The following LINGO2 variants were observed in gnomAD, a reference collection of about 807,000 sequenced individuals.
The protein encoded by LINGO2 is leucine rich repeat and Ig domain containing 2.
LINGO2 carries 14 observed loss-of-function variants against 30.6 expected under a neutral mutation model. The observed-to-expected ratio is 0.46, with a 90% CI of 0.30 to 0.72. LINGO2 has a LOEUF of 0.72. Among genes scored for constraint, LINGO2 ranks in the 30% least tolerant of loss-of-function variants. The pLI, the probability that LINGO2 is intolerant of heterozygous loss-of-function variation, is 0.07. For missense variants in LINGO2, 729 were observed against 751.7 expected (o/e 0.97, Z 0.35); for synonymous variants, 317 against 288.5 (o/e 1.10, Z -1.00).
the LINGO2 span, among the ~76,000 whole-genome samples, chr9:28,847,069 T>C: frequency 6.9e-6 from 1 of 145,586 alleles, no homozygotes; most frequent in Admixed American, 6.8e-5. Flanking sequence ...CCCAACAAGC[T>C]ACATGGCTAA....
the LINGO2 span, among the ~76,000 whole-genome samples, chr9:28,677,707 T>C: frequency 1.3e-5 from 2 of 152,184 alleles, no homozygotes; most frequent in Non-Finnish European, 2.9e-5. Context: ...AAGCCCTTTA[T>C]GCTACAGTCA....
chr9:29,191,638 G>A, the LINGO2 span, among the ~76,000 whole-genome samples: 1 of 151,848 alleles, frequency 6.6e-6, no homozygotes, highest in Non-Finnish European at 1.5e-5. Context: ...AACATTCTGG[G>A]GTTGCTTCAC....
the LINGO2 span, among the ~76,000 whole-genome samples, chr9:28,857,062 G>C: frequency 6.6e-6 from 1 of 151,986 alleles, no homozygotes; most frequent in Non-Finnish European, 1.5e-5. Flanking sequence ...AAGTGACTCT[G>C]AGTTCTAGTT....
At chr9:28,937,278 T>C in the LINGO2 span, among the ~76,000 whole-genome samples, 2 of 152,140 alleles carry the variant, frequency 1.3e-5, no homozygotes, top group African/African-American at 4.8e-5. Context: ...ATATCGCGTA[T>C]GGTAAGACTT....
intron 1 of LINGO2, among the ~76,000 whole-genome samples, chr9:28,587,725 C>T (rs748524870): frequency 6.6e-6 from 1 of 151,768 alleles, no homozygotes; most frequent in Admixed American, 6.6e-5. Context: ...GGAATCTTAG[C>T]ACAAAAACTG....
chr9:28,778,418 C>T, the LINGO2 span, among the ~76,000 whole-genome samples: 3 of 152,010 alleles, frequency 2.0e-5, no homozygotes, highest in Non-Finnish European at 2.9e-5. Flanking sequence ...TTGTAAGGTT[C>T]GTTGCCAACT....
At chr9:28,448,892 G>A (rs1251644556) in intron 2 of LINGO2, among the ~76,000 whole-genome samples, 1 of 152,000 alleles carries the variant, frequency 6.6e-6, no homozygotes, top group Non-Finnish European at 1.5e-5. Context: ...TGTAGGACAA[G>A]TCAGGGATAT....
At chr9:28,779,666 A>C in the LINGO2 span, among the ~76,000 whole-genome samples, 1 of 152,168 alleles carries the variant, frequency 6.6e-6, no homozygotes, top group Non-Finnish European at 1.5e-5. Context: ...ATCTTACAAC[A>C]CATTTCAGAA....
chr9:28,014,422 T>A (rs1396885036), intron 4 of LINGO2, among the ~76,000 whole-genome samples: 1 of 152,200 alleles, frequency 6.6e-6, no homozygotes, highest in Non-Finnish European at 1.5e-5. Context: ...AATAAGAATA[T>A]GTAATTGCAC....
At chr9:27,961,527 G>C (rs1427197839) in intron 5 of LINGO2, among the ~76,000 whole-genome samples, 1 of 152,160 alleles carries the variant, frequency 6.6e-6, no homozygotes, top group Non-Finnish European at 1.5e-5. Flanking sequence ...AAAAGAGACT[G>C]AAGAGGTAAT....
At chr9:28,650,986 C>T (rs138709257) in intron 1 of LINGO2, among the ~76,000 whole-genome samples, 9,240 of 151,912 alleles carry the variant, frequency 0.061, 477 homozygotes, top group Admixed American at 0.18. Flanking sequence ...GTCAGGAGAT[C>T]GAGACCATCC....
the LINGO2 span, among the ~76,000 whole-genome samples, chr9:29,044,219 T>C: frequency 3.3e-5 from 5 of 151,976 alleles, no homozygotes; most frequent in Non-Finnish European, 7.4e-5. Context: ...ACAATGTGAG[T>C]GTTATGTAAG....
At chr9:28,226,189 C>T (rs1341712122) in intron 4 of LINGO2, among the ~76,000 whole-genome samples, 1 of 152,140 alleles carries the variant, frequency 6.6e-6, no homozygotes, top group Non-Finnish European at 1.5e-5. Context: ...TTTCATCAAC[C>T]TGCAAGGTAA....
chr9:28,149,082 G>T, intron 4 of LINGO2: 1 of 1,534,144 alleles, frequency 6.5e-7, no homozygotes, highest in South Asian at 1.2e-5. Context: ...CTGTTGGTGG[G>T]TCAGGCTTCC....
the LINGO2 span, among the ~76,000 whole-genome samples, chr9:28,934,924 TTC>T: frequency 6.6e-6 from 1 of 152,158 alleles, no homozygotes; most frequent in Non-Finnish European, 1.5e-5. Context: ...AATTGCAGTA[TTC>T]TCTGTTTTCT....
At chr9:28,685,977 ATGTGTGTG>A in the LINGO2 span, among the ~76,000 whole-genome samples, 1 of 145,582 alleles carries the variant, frequency 6.9e-6, no homozygotes, top group Non-Finnish European at 1.5e-5. Context: ...AACATATATG[ATGTGTGTG>A]TGTGTGTGTG....
chr9:28,379,361 A>T (rs1015347306), intron 2 of LINGO2, among the ~76,000 whole-genome samples: 4 of 152,116 alleles, frequency 2.6e-5, no homozygotes, highest in African/African-American at 7.2e-5. Context: ...ATTTGAAATC[A>T]TGATTTTTTT....
At chr9:28,494,558 T>C (rs1819518870) in intron 1 of LINGO2, among the ~76,000 whole-genome samples, 1 of 152,144 alleles carries the variant, frequency 6.6e-6, no homozygotes, top group African/African-American at 2.4e-5. Flanking sequence ...CATCCTTTTT[T>C]ATGGCTGCAT....
intron 4 of LINGO2, among the ~76,000 whole-genome samples, chr9:28,180,779 C>T (rs933790508): frequency 1.3e-5 from 2 of 151,826 alleles, no homozygotes; most frequent in African/African-American, 2.4e-5. Context: ...GTAAGAGAAC[C>T]CCAAGAAAGA....
Sources: allele counts gnomAD v4.1 joint callset (sites outside exome capture counted in the v4.1 genomes callset), GRCh38; gene constraint gnomAD v4.1.1; transcripts MANE v1.5; gene names NCBI Gene and HGNC (gene_info 2026-07-23, HGNC 2026-07-21).